PARD3B: variants seen among roughly 807,000 people sequenced by gnomAD.
PARD3B encodes the protein par-3 family cell polarity regulator beta.
A neutral mutation model predicts 130.2 loss-of-function variants in PARD3B; 103 were observed. The observed-to-expected ratio is 0.79, with a 90% CI of 0.67 to 0.93. The LOEUF is 0.93. Among genes scored for constraint, PARD3B ranks in the 40% least tolerant of loss-of-function variants. The pLI is 0.00. For synonymous variants in PARD3B, 583 were observed against 553.2 expected, an observed-to-expected ratio of 1.05 and a Z score of -0.76; for missense variants, 1,609 against 1,499.2, an observed-to-expected ratio of 1.07 and a Z score of -1.21.
intron 22 of PARD3B, among the ~76,000 whole-genome samples, chr2:205,595,981 G>A (rs2054556595): frequency 6.6e-6 from 1 of 152,078 alleles, no homozygotes; most frequent in South Asian, 2.1e-4. Flanking sequence ...GCCCTCATCA[G>A]TTTGGGTTAT....
intron 2 of PARD3B, among the ~76,000 whole-genome samples, chr2:204,809,870 A>G (rs1264781783): frequency 1.3e-5 from 2 of 152,162 alleles, no homozygotes; most frequent in East Asian, 3.8e-4. Context: ...CTTTCTATCC[A>G]TGAGCATGGA....
chr2:205,238,908 A>G (rs1390617476), intron 15 of PARD3B, among the ~76,000 whole-genome samples: 2 of 118,638 alleles, frequency 1.7e-5, no homozygotes, highest in East Asian at 3.0e-4. Flanking sequence ...ATATATATAT[A>G]TGTATGTGTA....
At chr2:204,611,215 C>T (rs2033910078) in intron 1 of PARD3B, among the ~76,000 whole-genome samples, 1 of 152,136 alleles carries the variant, frequency 6.6e-6, no homozygotes, top group South Asian at 2.1e-4. Context: ...CTCCTGGGAC[C>T]AGGTGAGAAG....
At chr2:204,935,463 C>T (rs983872679) in intron 2 of PARD3B, among the ~76,000 whole-genome samples, 13 of 151,498 alleles carry the variant, frequency 8.6e-5, no homozygotes, top group East Asian at 1.9e-4. Flanking sequence ...GGTGTGAACC[C>T]GGGAGGTGGA....
In PARD3B at chr2:205,590,852, G is replaced by A. The variant is rs1020845683; in HGVS notation, c.3261-24604G>A. ...AGTACACCAAACCCTCTCTGCTTCC[G>A]GTCTGCTTGTCATTTGACCCACAGG... is the stretch of plus-strand genomic sequence containing the variant. On this transcript the variant is annotated intron_variant, in intron 22 of 22. Transcript: ENST00000406610. The surrounding 1 kb of genome is among the most constrained non-coding windows in gnomAD (Gnocchi z 4.1). Among the ~76,000 whole-genome samples the A allele has an allele frequency of 4.6e-5, 7 of 152,078 alleles. No individual in the cohort carries two copies. Among genetic ancestry groups the A allele is most frequent in the Non-Finnish European group, 7.4e-5 (5 of 68,016 alleles).
chr2:204,988,528 G>C (rs528827378), intron 3 of PARD3B, among the ~76,000 whole-genome samples: 3 of 152,080 alleles, frequency 2.0e-5, no homozygotes, highest in Admixed American at 1.3e-4. Context: ...TACTTGAGGG[G>C]GTGGATACCC....
At chr2:204,635,872 A>C (rs2034857353) in intron 1 of PARD3B, among the ~76,000 whole-genome samples, 1 of 152,158 alleles carries the variant, frequency 6.6e-6, no homozygotes, top group South Asian at 2.1e-4. Context: ...AAATAATGTG[A>C]TAGTCTTTGA....
Position 205,460,591 on chromosome 2 carries a change from A to T in PARD3B, c.3044+19919A>T, listed in dbSNP as rs993965067. Among the ~76,000 whole-genome samples the T allele has an allele frequency of 1.3e-5, 2 of 152,130 alleles. No individual in the cohort carries two copies. Among genetic ancestry groups the T allele is most frequent in the Non-Finnish European group, 2.9e-5 (2 of 68,040 alleles). Reference sequence around the variant, plus strand: ...CTAGTGGTCATTAACATAGAGTTTGAAGCTGGGCATAAATCCTAGGTATAA... The same window carrying T: ...CTAGTGGTCATTAACATAGAGTTTGTAGCTGGGCATAAATCCTAGGTATAA... On this transcript the variant is annotated intron_variant, in intron 20 of 22. Transcript: ENST00000406610. This position sits in a 1 kb window ranked among gnomAD's most constrained non-coding sequence, Gnocchi z 4.9.
chr2:205,420,856 A>G (rs2046943914), intron 19 of PARD3B, among the ~76,000 whole-genome samples: 1 of 152,164 alleles, frequency 6.6e-6, no homozygotes, highest in African/African-American at 2.4e-5. Context: ...TGAAAAATGC[A>G]AAAGAGGCTG....
chr2:204,688,632 C>T (rs183563645), intron 2 of PARD3B, among the ~76,000 whole-genome samples: 2 of 150,864 alleles, frequency 1.3e-5, no homozygotes, highest in African/African-American at 4.9e-5. Context: ...TTCTGACAAC[C>T]TTGGTAATCT....
intron 18 of PARD3B, among the ~76,000 whole-genome samples, chr2:205,314,926 C>A (rs544265880): frequency 6.6e-6 from 1 of 152,262 alleles, no homozygotes; most frequent in Admixed American, 6.5e-5. Flanking sequence ...TCCACCCTTC[C>A]GTCAGTCAAC....
intron 2 of PARD3B, among the ~76,000 whole-genome samples, chr2:204,937,093 G>T (rs949329035): frequency 2.6e-5 from 4 of 152,162 alleles, no homozygotes; most frequent in Non-Finnish European, 4.4e-5. Context: ...GAGCTCTTTG[G>T]GGGGTCCCAA....
intron 2 of PARD3B, among the ~76,000 whole-genome samples, chr2:204,766,603 AAGAC>A (rs2041159426): frequency 6.6e-6 from 1 of 152,158 alleles, no homozygotes; most frequent in African/African-American, 2.4e-5. Flanking sequence ...TGACAAATCT[AAGAC>A]AGAATAGCTA....
intron 18 of PARD3B, among the ~76,000 whole-genome samples, chr2:205,303,558 T>C (rs903691301): frequency 3.3e-5 from 5 of 152,142 alleles, no homozygotes; most frequent in African/African-American, 1.2e-4. Context: ...ACCCTCCAAA[T>C]GATGCAAGTA....
intron 21 of PARD3B, among the ~76,000 whole-genome samples, chr2:205,552,090 A>G (rs1243100048): frequency 6.6e-6 from 1 of 152,214 alleles, no homozygotes; most frequent in Admixed American, 6.5e-5. Context: ...ATGAGATACA[A>G]TATCTTGTCA....
At chr2:204,963,639 A>G (rs1044726356) in intron 2 of PARD3B, among the ~76,000 whole-genome samples, 7 of 152,208 alleles carry the variant, frequency 4.6e-5, no homozygotes, top group African/African-American at 1.4e-4. Flanking sequence ...TTCCTTTTCA[A>G]GATTTAAAGT....
chr2:205,422,335 G>C (rs2046998695), intron 19 of PARD3B, among the ~76,000 whole-genome samples: 1 of 152,292 alleles, frequency 6.6e-6, no homozygotes, highest in East Asian at 1.9e-4. Context: ...GATCATCGTA[G>C]GGAGCTTAGA....
intron 1 of PARD3B, among the ~76,000 whole-genome samples, chr2:204,655,696 A>G (rs1166643770): frequency 6.6e-6 from 1 of 152,162 alleles, no homozygotes; most frequent in East Asian, 1.9e-4. Flanking sequence ...CAATGGAGAC[A>G]TAGAAATGTG....
In PARD3B at chr2:204,949,095, A is replaced by G. The variant is rs79914482; in HGVS notation, c.223-16057A>G. Among the ~76,000 whole-genome samples, 1,123 of 152,326 alleles carry G rather than the reference A, an allele frequency of 7.4e-3. 21 individuals carry two copies. The highest frequency in any genetic ancestry group is 0.025 in the African/African-American group (1,053 of 41,574). ...AGAGATGTTTTTATGAGATAAAACT[A>G]TTGAAAACAGATTACATTTGGAGAT... On this transcript the variant is annotated intron_variant, in intron 2 of 22. Transcript: ENST00000406610.
Sources: gnomAD v4.1 joint callset for allele counts (sites outside exome capture counted in the v4.1 genomes callset) on GRCh38, gnomAD v4.1.1 for gene constraint, Gnocchi (gnomAD v3.1) non-coding constraint, MANE v1.5 for transcripts, NCBI Gene and HGNC (gene_info 2026-07-23, HGNC 2026-07-21) for gene names.